HK1: variants seen among roughly 807,000 people sequenced by gnomAD.
HK1 encodes the protein hexokinase 1.
HK1 carries 28 observed loss-of-function variants against 91.6 expected under a neutral mutation model. The ratio of observed to expected loss-of-function variants is 0.31; its 90% CI spans 0.23 to 0.42. The LOEUF (loss-of-function observed/expected upper bound fraction) is 0.42, where lower values mean the gene tolerates loss of function less well. HK1 is among the 10% of genes least tolerant of loss of function. The probability of loss-of-function intolerance (pLI) is 1.00; values close to 1 mark genes in which losing one functional copy is unlikely to be tolerated. For missense variants in HK1, 770 were observed against 1,219.8 expected (o/e 0.63, Z 5.49); for synonymous variants, 430 against 468.1 (o/e 0.92, Z 1.05).
chr10:69,275,232 C>A (rs752279487), intron 1 of HK1, among the ~76,000 whole-genome samples: 11 of 149,700 alleles, frequency 7.3e-5, no homozygotes, highest in Non-Finnish European at 1.5e-4. Flanking sequence ...AACAAAAAAC[C>A]TTTTAAGGCC....
intron 14 of HK1, among the ~76,000 whole-genome samples, chr10:69,391,032 G>A (rs1420386342): frequency 1.3e-5 from 2 of 152,128 alleles, no homozygotes. Flanking sequence ...GCAAACAGTC[G>A]GTGGTCCTTC....
chr10:69,398,706 G>A lies in HK1; in HGVS notation c.2487G>A (p.Arg829=). The A allele has an allele frequency of 1.2e-6, 2 of 1,614,154 alleles. No homozygotes were observed. The highest frequency in any genetic ancestry group is 1.6e-4 in the Middle Eastern group (1 of 6,062). The change falls in exon 17 of 18, where the codon AGG becomes AGA. Residue 829 remains arginine (R), a synonymous_variant. Coordinates refer to ENST00000359426, the MANE Select transcript of HK1 (RefSeq NM_000188.3). Reference sequence around the variant, plus strand: ...CAGTGTGCGGGGTGGTGTCCAGGAGGGCCGCACAGCTGTGTGGCGCAGGCA... The same window carrying A: ...CAGTGTGCGGGGTGGTGTCCAGGAGAGCCGCACAGCTGTGTGGCGCAGGCA... ...VKTVCGVVSR[R]AAQLCGAGMA...
In HK1 at chr10:69,357,309, G is replaced by A. The variant is rs111980145; in HGVS notation, c.227-2588G>A. Among the ~76,000 whole-genome samples, 413 of 152,172 alleles carry A rather than the reference G, an allele frequency of 2.7e-3. 3 individuals are homozygous for A. The highest frequency in any genetic ancestry group is 9.4e-3 in the African/African-American group (391 of 41,504). On this transcript the variant is annotated intron_variant, in intron 2 of 17. Transcript: ENST00000359426. ...AACCAAATGTCTGTCAGTAACAAAT[G>A]AATAAATAAAATGTGTTATATCTAT...
At chr10:69,289,116 G>A (rs1202230000) in intron 3 of HK1, among the ~76,000 whole-genome samples, 1 of 152,122 alleles carries the variant, frequency 6.6e-6, no homozygotes, top group Non-Finnish European at 1.5e-5. Flanking sequence ...ACCATAGCCT[G>A]CTCAACCTGC....
rs1446722078 is a variant in HK1, at chr10:69,384,432, A to G, written c.1670A>G (p.Asn557Ser). 1 of 1,614,210 alleles carries G rather than the reference A, an allele frequency of 6.2e-7. No homozygotes were observed. Among genetic ancestry groups the G allele is most frequent in the Non-Finnish European group, 8.5e-7 (1 of 1,180,042 alleles). Reference protein sequence around the residue: ...SGKKRTVEMHNKIYAIPIEIM... With the variant: ...SGKKRTVEMHSKIYAIPIEIM... ...AAAAAGAGAACGGTGGAAATGCACAACAAGATCTACGCCATTCCTATTGAA... is the reference window on the plus strand; with the variant it reads ...AAAAAGAGAACGGTGGAAATGCACAGCAAGATCTACGCCATTCCTATTGAA... Residue 557 changes from asparagine to serine, a missense_variant, in exon 11 of 18, where the codon AAC becomes AGC. Physicochemically the swap from Asn to Ser is conservative, Grantham distance 46. This residue lies in a region of HK1 where 48 missense variants were observed against 128.2 expected (regional missense o/e 0.37). Transcript: ENST00000359426.
chr10:69,316,063 G>A, upstream of HK1: 5 of 1,458,876 alleles, frequency 3.4e-6, no homozygotes, highest in Middle Eastern at 3.5e-4. Context: ...CCTTAGATGA[G>A]AGGGGATGCT....
In HK1 at chr10:69,377,071, A is replaced by G. The variant is rs1187586792; in HGVS notation, c.1013A>G (p.Asp338Gly). Residue 338 changes from aspartate (D) to glycine (G), a missense_variant, in exon 8 of 18, where the codon GAT (aspartate) becomes GGT (glycine). Asp to Gly is a moderately conservative substitution (Grantham distance 94). Transcript: ENST00000359426. ...ACCCGAGGGAAGTTTAACACCAGTG[A>G]TGTGTCAGCCATCGAAAAGTAGGTA... ...LLTRGKFNTS[D>G]VSAIEKNKEG... 1 of 1,614,142 alleles carries G rather than the reference A, an allele frequency of 6.2e-7. No individual in the cohort carries two copies. Among genetic ancestry groups the G allele is most frequent in the Non-Finnish European group, 8.5e-7 (1 of 1,180,018 alleles).
At chr10:69,356,613 G>A (rs1034915799) in intron 2 of HK1, among the ~76,000 whole-genome samples, 8 of 152,134 alleles carry the variant, frequency 5.3e-5, no homozygotes, top group African/African-American at 1.9e-4. Flanking sequence ...GGCCGGGTGC[G>A]GTGGCTCACG....
intron 5 of HK1, among the ~76,000 whole-genome samples, chr10:69,310,285 G>A (rs1466306229): frequency 6.6e-6 from 1 of 151,788 alleles, no homozygotes; most frequent in East Asian, 1.9e-4. Flanking sequence ...GCCGGGTGTG[G>A]TGGTGGATGC....
intron 1 of HK1, among the ~76,000 whole-genome samples, chr10:69,325,047 T>TTC (rs200957981): frequency 0.021 from 2,902 of 137,546 alleles, 146 homozygotes; most frequent in African/African-American, 0.077. Context: ...AATGTGTATT[T>TTC]TTTTTTTTTT....
chr10:69,350,257 G>A (rs760912259), intron 2 of HK1, among the ~76,000 whole-genome samples: 1 of 152,228 alleles, frequency 6.6e-6, no homozygotes, highest in Non-Finnish European at 1.5e-5. Flanking sequence ...CCTGGAGCTG[G>A]AGTGGGGATT....
In HK1 at chr10:69,359,489, A is replaced by G. The variant is rs538111097; in HGVS notation, c.227-408A>G. On this transcript the variant is annotated intron_variant, in intron 2 of 17. Coordinates refer to ENST00000359426, the MANE Select transcript of HK1 (RefSeq NM_000188.3). ...TGACATGCAGAGACCCAGGGCAGGCACTGGGTGGACCTCAGATGTAGGGCT... is the reference window on the plus strand; with the variant it reads ...TGACATGCAGAGACCCAGGGCAGGCGCTGGGTGGACCTCAGATGTAGGGCT... 7.9e-4 allele frequency among the ~76,000 whole-genome samples: 120 copies of G among 152,316 alleles called. 1 individual carries two copies. The highest frequency in any genetic ancestry group is 2.7e-3 in the African/African-American group (114 of 41,554).
chr10:69,384,988 G>A (rs1232998126), intron 12 of HK1, 73 bp downstream of exon 12: 1 of 1,536,546 alleles, frequency 6.5e-7, no homozygotes, highest in Non-Finnish European at 9.0e-7. Context: ...GCTGGCCCTT[G>A]AGGCCTTCTC....
In HK1 at chr10:69,364,914, C is replaced by G. The variant is rs557994641; in HGVS notation, c.495+12C>G. On this transcript the variant is annotated intron_variant, in intron 4 of 17. Coordinates refer to ENST00000359426, the MANE Select transcript of HK1 (RefSeq NM_000188.3). The stretch of plus-strand genomic sequence containing the variant: ...CCAAAATAGATGAGGTAAGGATGTT[C>G]TGGGATTATCGGGCTCTGCAGATGC... 1.9e-6 allele frequency: 3 copies of G among 1,613,896 alleles called. No homozygotes were observed.
In HK1 at chr10:69,401,024, A is replaced by T. The variant is rs761910771; in HGVS notation, c.2643A>T (p.Glu881Asp). Reference protein sequence around the residue: ...FSRIMHQTVKELSPKCNVSFL... With the variant: ...FSRIMHQTVKDLSPKCNVSFL... Reference sequence around the variant, plus strand: ...GAATCATGCACCAGACGGTGAAGGAACTGTCACCAAAATGTAACGTGTCCT... The same window carrying T: ...GAATCATGCACCAGACGGTGAAGGATCTGTCACCAAAATGTAACGTGTCCT... Residue 881 changes from glutamate (E) to aspartate (D), a missense_variant, in exon 18 of 18, where the codon GAA becomes GAT. By Grantham distance (45) the Glu-to-Asp change is conservative. Around this residue, in one of 7 missense-constraint regions of HK1, gnomAD observed 78 missense variants for 99.0 expected, o/e 0.79. Coordinates refer to ENST00000359426, the MANE Select transcript of HK1 (RefSeq NM_000188.3). 11 of 1,614,178 alleles carry T rather than the reference A, an allele frequency of 6.8e-6. 1 individual carries two copies. The East Asian group carries it at 2.0e-4, about 29-fold the overall frequency.
rs1840373763 is a variant in HK1, at chr10:69,401,191, C to A, written c.*56C>A. Reference sequence around the variant, plus strand: ...CAGCACTTCTCTCTTCAAGCGGCGACCCCCTACCCTCCCAGCGAGTTGCGC... The same window carrying A: ...CAGCACTTCTCTCTTCAAGCGGCGAACCCCTACCCTCCCAGCGAGTTGCGC... On this transcript the variant is annotated 3_prime_UTR_variant, in exon 18 of 18. Coordinates refer to ENST00000359426, the MANE Select transcript of HK1 (RefSeq NM_000188.3). 6 of 1,572,228 alleles carry A rather than the reference C, an allele frequency of 3.8e-6. No homozygotes were observed. Among genetic ancestry groups the A allele is most frequent in the Non-Finnish European group, 5.2e-6 (6 of 1,160,994 alleles).
intron 10 of HK1, among the ~76,000 whole-genome samples, chr10:69,383,420 G>T (rs912376895): frequency 6.6e-6 from 1 of 152,180 alleles, no homozygotes; most frequent in African/African-American, 2.4e-5. Context: ...ATCATTATGG[G>T]GAATCTGAAG....
At position 69,392,236 on chromosome 10, in the gene HK1, G is replaced by T; in HGVS notation, c.2147G>T (p.Gly716Val). 6.2e-7 allele frequency: 1 copy of T among 1,614,180 alleles called. No homozygotes were observed. Among genetic ancestry groups the T allele is most frequent in the Middle Eastern group, 1.6e-4 (1 of 6,062 alleles). The change falls in exon 15 of 18, where the codon GGG (glycine) becomes GTG (valine). Residue 716 changes from glycine to valine, a missense_variant. Gly to Val is a moderately radical substitution (Grantham distance 109). Transcript: ENST00000359426. The stretch of plus-strand genomic sequence containing the variant: ...GAGTGGGGGGCCTTTGGGGACAACG[G>T]GTGTCTGGATGATATCAGGACACAC... Reference protein sequence around the residue: ...NMEWGAFGDNGCLDDIRTHYD... With the variant: ...NMEWGAFGDNVCLDDIRTHYD...
intron 5 of HK1, among the ~76,000 whole-genome samples, chr10:69,301,422 A>G (rs1845857501): frequency 6.7e-6 from 1 of 150,178 alleles, no homozygotes; most frequent in South Asian, 2.1e-4. Context: ...AAAAATACAA[A>G]AACTAGCCAG....
Sources: allele counts gnomAD v4.1 joint callset (sites outside exome capture counted in the v4.1 genomes callset), GRCh38; gene constraint gnomAD v4.1.1; regional missense constraint gnomAD v4.1.1; transcripts MANE v1.5; gene names NCBI Gene and HGNC (gene_info 2026-07-23, HGNC 2026-07-21).